The following PLA2G7 variants were observed in gnomAD, a reference collection of about 807,000 sequenced individuals.
PLA2G7 encodes platelet-activating factor acetylhydrolase.
PLA2G7 carries 63 observed loss-of-function variants against 49.6 expected under a neutral mutation model. The ratio of observed to expected loss-of-function variants is 1.27; its 90% CI spans 1.04 to 1.57. The LOEUF (loss-of-function observed/expected upper bound fraction) is 1.57, where lower values mean the gene tolerates loss of function less well. PLA2G7 is among the 40% of genes most tolerant of loss of function. The pLI is 0.00. For synonymous variants in PLA2G7, 193 were observed against 169.9 expected, an observed-to-expected ratio of 1.14 and a Z score of -1.06; for missense variants, 596 against 521.2, an observed-to-expected ratio of 1.14 and a Z score of -1.40.
chr6:46,726,084 C>T (rs921329585), intron 1 of PLA2G7, among the ~76,000 whole-genome samples: 4 of 152,328 alleles, frequency 2.6e-5, no homozygotes, highest in South Asian at 4.1e-4. Flanking sequence ...CCTGTCTATT[C>T]AGATTCTTCT....
At chr6:46,715,815 A>G (rs949619169) in intron 4 of PLA2G7, among the ~76,000 whole-genome samples, 3 of 152,234 alleles carry the variant, frequency 2.0e-5, no homozygotes. Flanking sequence ...CATCAGTCCA[A>G]CAGTAGTGTC....
In PLA2G7 at chr6:46,711,594, A is replaced by G. The variant is rs780490073; in HGVS notation, c.565T>C (p.Tyr189His). The G allele has an allele frequency of 2.5e-6, 4 of 1,613,702 alleles. No individual in the cohort carries two copies. The highest frequency in any genetic ancestry group is 1.3e-5 in the African/African-American group (1 of 75,044). The change falls in exon 7 of 12, where the codon TAT (tyrosine) becomes CAT (histidine). Residue 189 changes from tyrosine to histidine, a missense_variant. By Grantham distance (83) the Tyr-to-His change is moderately conservative. Coordinates refer to ENST00000274793, the MANE Select transcript of PLA2G7 (RefSeq NM_005084.4). ...HRDRSASATYYFKDQSAAEIG... is the reference protein window; with the variant it reads ...HRDRSASATYHFKDQSAAEIG... ...TCTGCAGCAGATTGGTCCTTGAAATAGTAAGTTGCAGATGCAGATCTATCT... is the reference window on the plus strand; with the variant it reads ...TCTGCAGCAGATTGGTCCTTGAAATGGTAAGTTGCAGATGCAGATCTATCT...
intron 10 of PLA2G7, 84 bp from the exon 11 acceptor site, chr6:46,705,385 C>A (rs140520883): frequency 2.7e-6 from 3 of 1,097,388 alleles, no homozygotes; most frequent in African/African-American, 3.1e-5. Context: ...AGGTACTGGT[C>A]TTGTTGGTCT....
At position 46,705,312 on chromosome 6, in the gene PLA2G7, A is replaced by G. The variant is rs1381631107; in HGVS notation, c.1041-11T>C. 1.9e-6 allele frequency: 3 copies of G among 1,607,526 alleles called. No individual in the cohort carries two copies. The highest frequency in any genetic ancestry group is 2.2e-5 in the East Asian group (1 of 44,800). ...TGGTGGACTGAACCCCTAAAAGAGA[A>G]CAAGACATTTAAAAGTCACATTGTT... is the stretch of plus-strand genomic sequence containing the variant. On this transcript the variant is annotated splice_polypyrimidine_tract_variant and intron_variant, in intron 10 of 11. Coordinates refer to ENST00000274793, the MANE Select transcript of PLA2G7 (RefSeq NM_005084.4).
In PLA2G7 at chr6:46,704,518, A is replaced by G. The variant is rs1764729492; in HGVS notation, c.*42T>C. ...CACACACACACACACACATAATTTT[A>G]GACAGTTTTGAAACAAGACTTTTAA... On this transcript the variant is annotated 3_prime_UTR_variant, in exon 12 of 12. Transcript: ENST00000274793. The G allele has an allele frequency of 1.7e-6, 2 of 1,158,960 alleles. No individual in the cohort carries two copies. The highest frequency in any genetic ancestry group is 2.6e-6 in the Non-Finnish European group (2 of 772,624). 71.8% of individuals were successfully genotyped at this position (1,158,960 alleles called of 1,614,324 possible).
At chr6:46,722,571 C>A (rs753465201) in intron 2 of PLA2G7, among the ~76,000 whole-genome samples, 37 of 152,164 alleles carry the variant, frequency 2.4e-4, no homozygotes, top group Non-Finnish European at 4.9e-4. Flanking sequence ...TTCTGTCCTG[C>A]AGTCCTGATA....
chr6:46,711,860 A>G (rs1293955518), intron 6 of PLA2G7, among the ~76,000 whole-genome samples: 1 of 152,172 alleles, frequency 6.6e-6, no homozygotes, highest in Non-Finnish European at 1.5e-5. Context: ...TCTGGGAGGC[A>G]ATGTTAGCCA....
intron 1 of PLA2G7, among the ~76,000 whole-genome samples, chr6:46,732,407 A>G (rs1765763246): frequency 6.6e-6 from 1 of 150,712 alleles, no homozygotes; most frequent in African/African-American, 2.5e-5. Flanking sequence ...ACACACCACT[A>G]TACTGCAGCA....
At chr6:46,722,147 G>A (rs768047187) in intron 2 of PLA2G7, among the ~76,000 whole-genome samples, 2 of 152,088 alleles carry the variant, frequency 1.3e-5, no homozygotes, top group Non-Finnish European at 2.9e-5. Context: ...CACTCCTCCT[G>A]GGTTAGTCTA....
At chr6:46,717,435 A>G (rs2150702268) in intron 2 of PLA2G7, among the ~76,000 whole-genome samples, 1 of 152,304 alleles carries the variant, frequency 6.6e-6, no homozygotes, top group Middle Eastern at 3.4e-3. Context: ...CATGAACTTT[A>G]TTTCACATTT....
chr6:46,709,902 A>G (rs1226968605), intron 8 of PLA2G7, among the ~76,000 whole-genome samples: 1 of 152,166 alleles, frequency 6.6e-6, no homozygotes, highest in Non-Finnish European at 1.5e-5. Context: ...AGCCCAGTCC[A>G]GAAGTGGGTA....
chr6:46,714,653 A>C, intron 4 of PLA2G7, 100 bp from the exon 5 acceptor site: 1 of 775,858 alleles, frequency 1.3e-6, no homozygotes, highest in South Asian at 1.4e-5. Flanking sequence ...CATCTGATTT[A>C]TATCTACTTT....
chr6:46,710,032 G>C (rs1270590112), intron 8 of PLA2G7, among the ~76,000 whole-genome samples: 2 of 152,128 alleles, frequency 1.3e-5, no homozygotes, highest in African/African-American at 4.8e-5. Flanking sequence ...CAAAGGCAAG[G>C]ATACAGAAGA....
intron 1 of PLA2G7, among the ~76,000 whole-genome samples, chr6:46,723,641 C>T (rs986322542): frequency 2.0e-5 from 3 of 152,142 alleles, no homozygotes; most frequent in Non-Finnish European, 2.9e-5. Context: ...CATTTTCCCC[C>T]CTAAAATTTG....
At position 46,722,794 on chromosome 6, in the gene PLA2G7, A is replaced by G. The variant is rs1765441752; in HGVS notation, c.98T>C (p.Met33Thr). The change falls in exon 2 of 12, where the codon ATG (methionine) becomes ACG (threonine). Residue 33 changes from methionine to threonine, a missense_variant. Met to Thr is a moderately conservative substitution (Grantham distance 81, BLOSUM62 -1). Transcript: ENST00000274793. ...AATACACCTCTTACCTGATGATTTC[A>G]TATGGGCAACAGGATTTATGTATTG... is the stretch of plus-strand genomic sequence containing the variant. ...DWQYINPVAH[M>T]KSSAWVNKIQ... The G allele has an allele frequency of 5.0e-6, 8 of 1,599,436 alleles. No individual in the cohort carries two copies. The South Asian group carries it at 7.7e-5, about 15-fold the overall frequency.
chr6:46,708,078 T>C lies in PLA2G7; in HGVS notation c.953A>G (p.Asn318Ser), dbSNP rs747988630. 4 of 1,604,346 alleles carry C rather than the reference T, an allele frequency of 2.5e-6. No individual in the cohort carries two copies. The highest frequency in any genetic ancestry group is 1.1e-5 in the South Asian group (1 of 90,858). ...AGCAGGATATTGGAAATATTCAGAG[T>C]TGATAAAAAAGAGGGGCTGAGGAAT... The part of the protein sequence containing the change: ...SRIPQPLFFI[N>S]SEYFQYPANI... The change falls in exon 10 of 12, where the codon AAC (asparagine) becomes AGC (serine). Residue 318 changes from asparagine (N) to serine (S), a missense_variant. Coordinates refer to ENST00000274793, the MANE Select transcript of PLA2G7 (RefSeq NM_005084.4).
chr6:46,723,060 G>C lies in PLA2G7; in HGVS notation c.-34-135C>G, dbSNP rs531168956. On this transcript the variant is annotated intron_variant, in intron 1 of 11. Coordinates refer to ENST00000274793, the MANE Select transcript of PLA2G7 (RefSeq NM_005084.4). ...CATGTATTTTCTGTGCTGGGTTTTA[G>C]ATTGGTACTACAATGGTAAAATCCT... The C allele has an allele frequency of 3.5e-5, 22 of 625,998 alleles. No homozygotes were observed. The East Asian group carries it at 6.2e-4, about 18-fold the overall frequency. 38.8% of individuals were successfully genotyped at this position (625,998 alleles called of 1,614,324 possible). A position where few individuals can be genotyped will look rare whatever the true frequency, so the allele number is the denominator to read the frequency against.
chr6:46,708,530 C>T (rs889622357), intron 9 of PLA2G7, among the ~76,000 whole-genome samples: 2 of 151,824 alleles, frequency 1.3e-5, no homozygotes, highest in Non-Finnish European at 2.9e-5. Flanking sequence ...TTTTATGCAC[C>T]TTGTAGTGTA....
chr6:46,724,884 C>A (rs1765522769), intron 1 of PLA2G7, among the ~76,000 whole-genome samples: 1 of 152,216 alleles, frequency 6.6e-6, no homozygotes, highest in Non-Finnish European at 1.5e-5. Context: ...TCCTGATTAT[C>A]AGATCTGCAG....
Sources: gnomAD v4.1 joint callset for allele counts (sites outside exome capture counted in the v4.1 genomes callset) on GRCh38, gnomAD v4.1.1 for gene constraint, MANE v1.5 for transcripts, NCBI Gene and HGNC (gene_info 2026-07-23, HGNC 2026-07-21) for gene names.